USP20: variants seen among roughly 807,000 people sequenced by gnomAD.
The protein encoded by USP20 is ubiquitin specific peptidase 20, also known as ubiquitin carboxyl-terminal hydrolase 20.
A neutral mutation model predicts 124.2 loss-of-function variants in USP20; 80 were observed. The observed-to-expected ratio is 0.64, with a 90% CI of 0.54 to 0.78. The LOEUF (loss-of-function observed/expected upper bound fraction) is 0.78, where lower values mean the gene tolerates loss of function less well. USP20 is among the 30% of genes least tolerant of loss of function. The pLI is 0.00. For missense variants in USP20, 1,043 were observed against 1,244.4 expected (o/e 0.84, Z 2.44); for synonymous variants, 481 against 512.3 (o/e 0.94, Z 0.83).
At chr9:129,851,413 C>T (rs1248292191) in intron 2 of USP20, among the ~76,000 whole-genome samples, 1 of 152,122 alleles carries the variant, frequency 6.6e-6, no homozygotes, top group Non-Finnish European at 1.5e-5. Context: ...CATGCACCAG[C>T]ATCCCAGCTA....
At chr9:129,844,214 T>C (rs1180800632) in intron 1 of USP20, among the ~76,000 whole-genome samples, 4 of 152,348 alleles carry the variant, frequency 2.6e-5, no homozygotes, top group East Asian at 3.9e-4. Flanking sequence ...TTATATGTGG[T>C]ATAATATTAT....
chr9:129,852,239 C>G (rs1422723990), intron 2 of USP20, among the ~76,000 whole-genome samples: 1 of 152,042 alleles, frequency 6.6e-6, no homozygotes, highest in Non-Finnish European at 1.5e-5. Flanking sequence ...CCCATGTCTT[C>G]CCTACCAATA....
rs1328423599 is a variant in USP20, at chr9:129,879,688, T to C, written c.2584+44T>C. 6.2e-7 allele frequency: 1 copy of C among 1,608,782 alleles called. No homozygotes were observed. The highest frequency in any genetic ancestry group is 1.7e-5 in the Admixed American group (1 of 59,972). On this transcript the variant is annotated intron_variant, in intron 24 of 25. Coordinates refer to ENST00000372429, the MANE Select transcript of USP20 (RefSeq NM_001110303.4). This position sits in a 1 kb window ranked among gnomAD's most constrained non-coding sequence, Gnocchi z 4.2. ...CAGCCAGGCTCCTCTCTGCCCTTCCTGGCTGCCAGGCTGCTGCCCAGTCCC... is the reference window on the plus strand; with the variant it reads ...CAGCCAGGCTCCTCTCTGCCCTTCCCGGCTGCCAGGCTGCTGCCCAGTCCC...
intron 1 of USP20, among the ~76,000 whole-genome samples, chr9:129,844,623 CAAAAAAAAAAA>C (rs1191781066): frequency 4.1e-5 from 3 of 72,420 alleles, no homozygotes; most frequent in East Asian, 1.0e-3. Context: ...GACTCTGTCT[CAAAAAAAAAAA>C]AAAAAAAAAA....
chr9:129,868,759 CA>C, intron 11 of USP20, 102 bp from the exon 12 acceptor site: 1 of 1,480,926 alleles, frequency 6.8e-7, no homozygotes, highest in East Asian at 2.3e-5. Context: ...ACATTAGGGT[CA>C]GGCTTTCGTC....
intron 1 of USP20, among the ~76,000 whole-genome samples, chr9:129,849,042 G>A (rs188866308): frequency 3.2e-4 from 48 of 152,326 alleles, no homozygotes; most frequent in African/African-American, 1.1e-3. Flanking sequence ...ACACTTGAGG[G>A]TCGGGGGTTC....
intron 17 of USP20, 59 bp from the exon 18 acceptor site, chr9:129,874,517 G>T: frequency 6.3e-7 from 1 of 1,594,702 alleles, no homozygotes; most frequent in Non-Finnish European, 8.6e-7. Context: ...CCGTGGGCAA[G>T]GCTGCGAGGG....
At chr9:129,842,284 C>G (rs1365937872) in intron 1 of USP20, among the ~76,000 whole-genome samples, 1 of 152,136 alleles carries the variant, frequency 6.6e-6, no homozygotes, top group Non-Finnish European at 1.5e-5. Flanking sequence ...TGACCGTTAC[C>G]TCCCGGGATA....
intron 1 of USP20, among the ~76,000 whole-genome samples, chr9:129,848,019 C>T (rs781634904): frequency 1.3e-5 from 2 of 151,910 alleles, no homozygotes; most frequent in Non-Finnish European, 2.9e-5. Flanking sequence ...CCAGGTGGGC[C>T]GAGCACGGTG....
intron 4 of USP20, 77 bp from the exon 5 acceptor site, chr9:129,857,973 G>A: frequency 7.3e-7 from 1 of 1,369,452 alleles, no homozygotes; most frequent in Non-Finnish European, 1.0e-6. Context: ...CACTGACTTT[G>A]GGATGGAACC....
chr9:129,857,942 C>G (rs961642481), intron 4 of USP20, 108 bp from the exon 5 acceptor site: 4 of 961,558 alleles, frequency 4.2e-6, no homozygotes, highest in Middle Eastern at 2.1e-4. Context: ...CCTTGTGGCC[C>G]CTATTCAGGA....
chr9:129,878,148 C>T (rs372701579), intron 22 of USP20, among the ~76,000 whole-genome samples, 190 bp from the exon 23 acceptor site: 5 of 152,212 alleles, frequency 3.3e-5, no homozygotes, highest in African/African-American at 4.8e-5. Flanking sequence ...TACCACCGTC[C>T]TCTCTGAGTG....
intron 1 of USP20, among the ~76,000 whole-genome samples, chr9:129,846,050 G>A (rs957889132): frequency 4.0e-4 from 61 of 150,934 alleles, no homozygotes; most frequent in Non-Finnish European, 7.5e-4. Context: ...TCAGCCTCCC[G>A]AGTAGCTGGG....
chr9:129,879,654 C>T lies in USP20; in HGVS notation c.2584+10C>T. The stretch of plus-strand genomic sequence containing the variant: ...GTCCAGCTGAAGCAGGGTGAGTTCC[C>T]CCTGGGGTCAGCCAGGCTCCTCTCT... On this transcript the variant is annotated intron_variant, in intron 24 of 25. Coordinates refer to ENST00000372429, the MANE Select transcript of USP20 (RefSeq NM_001110303.4). The surrounding 1 kb of genome is among the most constrained non-coding windows in gnomAD (Gnocchi z 4.2). The T allele has an allele frequency of 3.1e-6, 5 of 1,613,868 alleles. No individual in the cohort carries two copies.
chr9:129,858,030 CTCCT>C lies in USP20; in HGVS notation c.136-16_136-13del, dbSNP rs2033305302. ...TCCTTTTGGCAAGCTCCAGTCCACT[CTCCT>C]TCCCTCTCTTCCCAGGTTGCCTGCC... On this transcript the variant is annotated splice_polypyrimidine_tract_variant and intron_variant, in intron 4 of 25. Transcript: ENST00000372429. 6.2e-7 allele frequency: 1 copy of C among 1,611,466 alleles called. No individual in the cohort carries two copies. Among genetic ancestry groups the C allele is most frequent in the African/African-American group, 1.3e-5 (1 of 74,898 alleles).
At chr9:129,854,453 G>T (rs2033107343) in intron 3 of USP20, among the ~76,000 whole-genome samples, 1 of 152,058 alleles carries the variant, frequency 6.6e-6, no homozygotes, top group African/African-American at 2.4e-5. Flanking sequence ...GACCCTCAAA[G>T]GCACATTACA....
At chr9:129,878,237 T>C in intron 22 of USP20, 101 bp from the exon 23 acceptor site, 1 of 933,722 alleles carries the variant, frequency 1.1e-6, no homozygotes, top group South Asian at 1.4e-5. Context: ...TGTAAGACTC[T>C]TGGGTGAGGG....
At chr9:129,848,585 A>G (rs1166106669) in intron 1 of USP20, among the ~76,000 whole-genome samples, 5 of 151,988 alleles carry the variant, frequency 3.3e-5, no homozygotes, top group African/African-American at 1.2e-4. Context: ...CCCGGGAGGC[A>G]GAAGTTGCAG....
At chr9:129,874,231 A>C (rs1353325920) in intron 17 of USP20, among the ~76,000 whole-genome samples, 2 of 152,160 alleles carry the variant, frequency 1.3e-5, no homozygotes, top group Non-Finnish European at 2.9e-5. Flanking sequence ...CGCACCAAGG[A>C]AGGCACGTGT....
Sources: allele counts gnomAD v4.1 joint callset (sites outside exome capture counted in the v4.1 genomes callset), GRCh38; gene constraint gnomAD v4.1.1; non-coding constraint Gnocchi (gnomAD v3.1); transcripts MANE v1.5; gene names NCBI Gene and HGNC (gene_info 2026-07-23, HGNC 2026-07-21).